SLX4IP: variants seen among roughly 807,000 people sequenced by gnomAD.
SLX4IP encodes protein SLX4IP.
In SLX4IP, 34 loss-of-function variants were observed where a neutral mutation model predicts 32.9. The ratio of observed to expected loss-of-function variants is 1.03; its 90% CI spans 0.79 to 1.38. SLX4IP has a LOEUF of 1.38. Ranked by LOEUF, SLX4IP falls within the 40% of genes most tolerant of loss-of-function variation. SLX4IP has a pLI of 0.00. For synonymous variants in SLX4IP, 172 were observed against 171.7 expected, an observed-to-expected ratio of 1.00 and a Z score of -0.01; for missense variants, 444 against 479.0, an observed-to-expected ratio of 0.93 and a Z score of 0.68.
chr20:10,598,598 T>C lies in SLX4IP; in HGVS notation c.239-77T>C, dbSNP rs148125311. ...AAATAACTATTGAATGTGTCTTTTA[T>C]GGCAGGCACTGGGCTGAACTCCAGA... On this transcript the variant is annotated intron_variant, in intron 4 of 7. Transcript: ENST00000334534. 77 of 1,281,776 alleles carry C rather than the reference T, an allele frequency of 6.0e-5. No homozygotes were observed. The African/African-American group carries it at 8.2e-4, about 14-fold the overall frequency. 79.4% of individuals were successfully genotyped at this position (1,281,776 alleles called of 1,614,324 possible). A position where few individuals can be genotyped will look rare whatever the true frequency, so the allele number is the denominator to read the frequency against.
intron 2 of SLX4IP, among the ~76,000 whole-genome samples, chr20:10,516,162 A>G (rs970003570): frequency 6.6e-6 from 1 of 152,218 alleles, no homozygotes; most frequent in Non-Finnish European, 1.5e-5. Flanking sequence ...TGCTGGGACT[A>G]CAGGTGTGAG....
At chr20:10,566,260 T>C (rs1411272308) in intron 4 of SLX4IP, among the ~76,000 whole-genome samples, 2 of 151,834 alleles carry the variant, frequency 1.3e-5, no homozygotes, top group East Asian at 3.9e-4. Flanking sequence ...ACTGGGTATG[T>C]TTCACCAGGT....
intron 4 of SLX4IP, among the ~76,000 whole-genome samples, chr20:10,594,998 T>G (rs936626315): frequency 6.6e-6 from 1 of 152,082 alleles, no homozygotes; most frequent in African/African-American, 2.4e-5. Context: ...GGCTTCATGC[T>G]TTGGAGGTTG....
chr20:10,517,390 A>G (rs567473092), intron 2 of SLX4IP, among the ~76,000 whole-genome samples: 1 of 152,350 alleles, frequency 6.6e-6, no homozygotes, highest in South Asian at 2.1e-4. Context: ...GTGGGGATAA[A>G]CAGAGTGTTC....
At chr20:10,518,339 TTTTCTTTCTTTCTCTC>T (rs138960096) in intron 2 of SLX4IP, among the ~76,000 whole-genome samples, 1,170 of 110,356 alleles carry the variant, frequency 0.011, 22 homozygotes, top group East Asian at 0.023. Context: ...GAGACCAGTC[TTTTCTTTCTTTCTCTC>T]TTTCTTTCTT....
At chr20:10,489,183 A>G (rs587246) in intron 2 of SLX4IP, among the ~76,000 whole-genome samples, 59,171 of 151,754 alleles carry the variant, frequency 0.39, 11,691 homozygotes, top group Non-Finnish European at 0.43. Context: ...AAACGTTCAC[A>G]TAAGTCGAGG....
intron 4 of SLX4IP, among the ~76,000 whole-genome samples, chr20:10,586,179 C>G (rs2066643305): frequency 6.6e-6 from 1 of 152,140 alleles, no homozygotes; most frequent in Admixed American, 6.5e-5. Flanking sequence ...CTTGCCTTCT[C>G]CCACTTGACT....
At chr20:10,569,523 A>G (rs1601014242) in intron 4 of SLX4IP, among the ~76,000 whole-genome samples, 1 of 152,140 alleles carries the variant, frequency 6.6e-6, no homozygotes, top group Non-Finnish European at 1.5e-5. Flanking sequence ...GGCTGCCATA[A>G]CATACCACAG....
At chr20:10,451,253 C>T (rs1180403278) in intron 1 of SLX4IP, among the ~76,000 whole-genome samples, 3 of 151,916 alleles carry the variant, frequency 2.0e-5, no homozygotes, top group African/African-American at 7.3e-5. Flanking sequence ...TTGCGCCTGC[C>T]AGGTTCAGGC....
At chr20:10,572,666 A>G (rs995758468) in intron 4 of SLX4IP, among the ~76,000 whole-genome samples, 3 of 152,190 alleles carry the variant, frequency 2.0e-5, no homozygotes, top group African/African-American at 7.2e-5. Flanking sequence ...GGAAAATGCC[A>G]TAAAATAAAT....
At chr20:10,619,217 C>CTTTTTTTTTTTTTTTTTTTT (rs59741153) in intron 6 of SLX4IP, among the ~76,000 whole-genome samples, 3 of 126,650 alleles carry the variant, frequency 2.4e-5, no homozygotes, top group African/African-American at 3.1e-5. Flanking sequence ...CTTTTTTTTT[C>CTTTTTTTTTTTTTTTTTTTT]TTTTTTTTTT....
chr20:10,482,630 G>C (rs951654072), intron 2 of SLX4IP, among the ~76,000 whole-genome samples: 2 of 152,130 alleles, frequency 1.3e-5, no homozygotes, highest in Non-Finnish European at 2.9e-5. Flanking sequence ...TGGGGAGAGT[G>C]GGGTAGGGTG....
chr20:10,460,131 T>C (rs913546543), intron 2 of SLX4IP, among the ~76,000 whole-genome samples: 1 of 152,244 alleles, frequency 6.6e-6, no homozygotes, highest in African/African-American at 2.4e-5. Context: ...CTTTCACTAT[T>C]TGTGTGTCTA....
chr20:10,603,413 A>G (rs973555130), intron 6 of SLX4IP, among the ~76,000 whole-genome samples: 2 of 152,216 alleles, frequency 1.3e-5, no homozygotes, highest in Non-Finnish European at 2.9e-5. Flanking sequence ...AAACATTGAG[A>G]ATTTTCATTC....
chr20:10,562,473 C>T (rs1469064616), intron 4 of SLX4IP, among the ~76,000 whole-genome samples: 2 of 152,120 alleles, frequency 1.3e-5, no homozygotes, highest in African/African-American at 4.8e-5. Flanking sequence ...TTCCGTTCCT[C>T]TGCTCCTCTT....
intron 2 of SLX4IP, among the ~76,000 whole-genome samples, chr20:10,479,355 T>TTTC (rs2065502090): frequency 1.0e-5 from 1 of 98,430 alleles, no homozygotes; most frequent in Admixed American, 9.1e-5. Context: ...CATATTTCTT[T>TTTC]TTTTTTTTTT....
chr20:10,537,765 C>T (rs1047130267), intron 2 of SLX4IP, among the ~76,000 whole-genome samples: 2 of 152,066 alleles, frequency 1.3e-5, no homozygotes, highest in African/African-American at 4.8e-5. Flanking sequence ...GCAAATTACC[C>T]AAAATAAAAA....
rs1011522147 is a variant in SLX4IP at position 10,558,356 on chromosome 20, A to C, written c.117+2036A>C. Among the ~76,000 whole-genome samples, 24 of 150,898 alleles carry C rather than the reference A, an allele frequency of 1.6e-4. No individual in the cohort carries two copies. In the South Asian group the frequency reaches 3.2e-3, roughly 20 times the overall value. The stretch of plus-strand genomic sequence containing the variant: ...GACCCTGTCTCAAAAAAAAAAAAAA[A>C]AAAAAACAATTCGCTGATGTTAAAA... On this transcript the variant is annotated intron_variant, in intron 3 of 7. Transcript: ENST00000334534.
At chr20:10,538,628 C>T (rs143091236) in intron 2 of SLX4IP, among the ~76,000 whole-genome samples, 28 of 151,822 alleles carry the variant, frequency 1.8e-4, no homozygotes, top group Non-Finnish European at 8.8e-5. Flanking sequence ...TGGGTTCAAG[C>T]GATTCTCCTG....
Sources: allele counts gnomAD v4.1 joint callset (sites outside exome capture counted in the v4.1 genomes callset), GRCh38; gene constraint gnomAD v4.1.1; transcripts MANE v1.5; gene names NCBI Gene and HGNC (gene_info 2026-07-23, HGNC 2026-07-21).